The following EPHB1 variants were observed in gnomAD, a reference collection of about 807,000 sequenced individuals.
The protein encoded by EPHB1 is ephrin type-B receptor 1.
In EPHB1, 30 loss-of-function variants were observed where a neutral mutation model predicts 94.4. The ratio of observed to expected loss-of-function variants is 0.32; its 90% CI spans 0.24 to 0.43. The LOEUF is 0.43. Ranked by LOEUF, EPHB1 falls within the 20% of genes least tolerant of loss-of-function variation. The pLI is 1.00. For missense variants in EPHB1, 1,055 were observed against 1,308.3 expected (o/e 0.81, Z 2.99); for synonymous variants, 522 against 489.1 (o/e 1.07, Z -0.89).
At chr3:134,996,579 T>C (rs1461565914) in intron 3 of EPHB1, among the ~76,000 whole-genome samples, 1 of 152,180 alleles carries the variant, frequency 6.6e-6, no homozygotes, top group Non-Finnish European at 1.5e-5. Flanking sequence ...AAATTCCCAA[T>C]GGCTGTTTAG....
chr3:135,192,851 GC>G (rs1049785316), intron 11 of EPHB1, 28 bp downstream of exon 11: 1 of 1,604,240 alleles, frequency 6.2e-7, no homozygotes, highest in African/African-American at 1.3e-5. Flanking sequence ...GTTTGATGAT[GC>G]ACTTGGATGC....
chr3:135,017,945 C>T (rs932356854), intron 3 of EPHB1, among the ~76,000 whole-genome samples: 2 of 152,076 alleles, frequency 1.3e-5, no homozygotes, highest in Non-Finnish European at 2.9e-5. Context: ...TATGACCTTT[C>T]ACTGCAGCTG....
At chr3:135,188,437 G>A (rs1459014407) in intron 10 of EPHB1, among the ~76,000 whole-genome samples, 7 of 152,188 alleles carry the variant, frequency 4.6e-5, no homozygotes, top group East Asian at 1.9e-4. Context: ...CGAGATTGCA[G>A]TGAGTCGAGA....
intron 9 of EPHB1, among the ~76,000 whole-genome samples, chr3:135,177,794 A>G (rs1942025232): frequency 1.3e-5 from 2 of 152,070 alleles, no homozygotes; most frequent in Non-Finnish European, 2.9e-5. Flanking sequence ...TGGGTTCTCT[A>G]TATGCTTCCA....
chr3:135,084,025 G>A (rs1938254958), intron 3 of EPHB1, among the ~76,000 whole-genome samples: 1 of 152,050 alleles, frequency 6.6e-6, no homozygotes, highest in South Asian at 2.1e-4. Context: ...GTTGGAGTTG[G>A]CTCTCCCTCT....
intron 3 of EPHB1, among the ~76,000 whole-genome samples, chr3:135,060,314 A>G (rs72975560): frequency 3.9e-5 from 6 of 152,164 alleles, no homozygotes; most frequent in Non-Finnish European, 5.9e-5. Context: ...TTCACTTAGC[A>G]TATGTGTTTA....
chr3:135,220,901 AGGTGCATGTTTT>A (rs1244860869), intron 12 of EPHB1, among the ~76,000 whole-genome samples: 2 of 152,154 alleles, frequency 1.3e-5, no homozygotes, highest in African/African-American at 2.4e-5. Flanking sequence ...TGTCTCTTAG[AGGTGCATGTTTT>A]GGGCACAAAA....
chr3:134,941,744 T>TACACAC (rs1560307333), intron 2 of EPHB1, among the ~76,000 whole-genome samples: 10 of 116,332 alleles, frequency 8.6e-5, no homozygotes, highest in South Asian at 2.9e-4. Context: ...GCTTTACATA[T>TACACAC]GCACACAGAC....
At chr3:135,005,824 C>T (rs1206032672) in intron 3 of EPHB1, among the ~76,000 whole-genome samples, 6 of 152,250 alleles carry the variant, frequency 3.9e-5, no homozygotes, top group East Asian at 1.9e-4. Flanking sequence ...GGCTCGCGCA[C>T]GGTGCACGCA....
At position 135,015,343 on chromosome 3, in the gene EPHB1, C is replaced by T. The variant is rs368546920; in HGVS notation, c.805+63291C>T. 4.6e-5 allele frequency among the ~76,000 whole-genome samples: 7 copies of T among 151,996 alleles called. No individual in the cohort carries two copies. The East Asian group carries it at 1.2e-3, about 25-fold the overall frequency. On this transcript the variant is annotated intron_variant, in intron 3 of 15. Coordinates refer to ENST00000398015, the MANE Select transcript of EPHB1 (RefSeq NM_004441.5). ...GCAACCTCTACCTCCTGGGTTCAAGCGATTCTCCTGCCTCAGCCTCCCAAG... is the reference window on the plus strand; with the variant it reads ...GCAACCTCTACCTCCTGGGTTCAAGTGATTCTCCTGCCTCAGCCTCCCAAG...
At chr3:135,046,141 T>A (rs1239849331) in intron 3 of EPHB1, among the ~76,000 whole-genome samples, 1 of 152,250 alleles carries the variant, frequency 6.6e-6, no homozygotes, top group Admixed American at 6.5e-5. Flanking sequence ...AAAATAGTTA[T>A]TTTTCATAAA....
chr3:135,245,573 C>T (rs911532820), intron 13 of EPHB1, among the ~76,000 whole-genome samples: 15 of 148,880 alleles, frequency 1.0e-4, no homozygotes, highest in African/African-American at 2.7e-4. Context: ...TTTGGGAGGC[C>T]GAGGCGGGAG....
At chr3:135,004,451 C>T (rs1224235062) in intron 3 of EPHB1, among the ~76,000 whole-genome samples, 1 of 152,120 alleles carries the variant, frequency 6.6e-6, no homozygotes, top group Non-Finnish European at 1.5e-5. Context: ...AGTTGCTCTT[C>T]TCCAGGAGTA....
chr3:135,088,297 A>G (rs577324025), intron 3 of EPHB1, among the ~76,000 whole-genome samples: 7 of 152,324 alleles, frequency 4.6e-5, no homozygotes, highest in South Asian at 2.1e-4. Context: ...TTATACCTCC[A>G]TGACAGAGTA....
chr3:135,084,704 C>T (rs1938285606), intron 3 of EPHB1, among the ~76,000 whole-genome samples: 1 of 152,164 alleles, frequency 6.6e-6, no homozygotes. Flanking sequence ...TTATACCCAG[C>T]AGCTCCACGG....
intron 12 of EPHB1, among the ~76,000 whole-genome samples, chr3:135,229,466 G>A (rs1328133337): frequency 1.3e-5 from 2 of 152,134 alleles, no homozygotes; most frequent in East Asian, 3.8e-4. Flanking sequence ...AGAGAGACTA[G>A]AAGCATGGCC....
At chr3:134,908,157 C>T (rs1397956244) in intron 1 of EPHB1, among the ~76,000 whole-genome samples, 1 of 152,236 alleles carries the variant, frequency 6.6e-6, no homozygotes, top group Non-Finnish European at 1.5e-5. Flanking sequence ...AGCTGTGTAT[C>T]TTATCTTCCT....
At chr3:135,052,273 G>A (rs554804264) in intron 3 of EPHB1, among the ~76,000 whole-genome samples, 5 of 152,142 alleles carry the variant, frequency 3.3e-5, no homozygotes, top group Non-Finnish European at 5.9e-5. Flanking sequence ...GGTGTGTGTC[G>A]ATTGAATATT....
At chr3:135,255,105 CTTTT>C (rs968191643) in intron 15 of EPHB1, among the ~76,000 whole-genome samples, 17 of 151,822 alleles carry the variant, frequency 1.1e-4, no homozygotes, top group Non-Finnish European at 1.6e-4. Context: ...ATTCCTCTCT[CTTTT>C]TTTATTAGTC....
Sources: gnomAD v4.1 joint callset for allele counts (sites outside exome capture counted in the v4.1 genomes callset) on GRCh38, gnomAD v4.1.1 for gene constraint, MANE v1.5 for transcripts, NCBI Gene and HGNC (gene_info 2026-07-23, HGNC 2026-07-21) for gene names.